ZNF451: variants seen among roughly 807,000 people sequenced by gnomAD.
ZNF451 encodes zinc finger protein 451, also known as E3 SUMO-protein ligase ZNF451.
A neutral mutation model predicts 107.1 loss-of-function variants in ZNF451; 80 were observed. That is an observed-to-expected ratio of 0.75 (90% confidence interval 0.62 to 0.90). The LOEUF is 0.90. ZNF451 is among the 40% of genes least tolerant of loss of function. The pLI is 0.00. For synonymous variants in ZNF451, 362 were observed against 406.5 expected, an observed-to-expected ratio of 0.89 and a Z score of 1.32; for missense variants, 1,107 against 1,236.2, an observed-to-expected ratio of 0.90 and a Z score of 1.57.
chr6:57,141,431 T>C lies in ZNF451; in HGVS notation c.832T>C (p.Phe278Leu), dbSNP rs941043876. The C allele has an allele frequency of 4.3e-6, 7 of 1,612,064 alleles. No individual in the cohort carries two copies. Among genetic ancestry groups the C allele is most frequent in the African/African-American group, 2.7e-5 (2 of 74,892 alleles). The change falls in exon 8 of 15, where the codon TTC (phenylalanine) becomes CTC (leucine). Residue 278 changes from phenylalanine to leucine, a missense_variant. Transcript: ENST00000370706. Reference protein sequence around the residue: ...CSKHMSGKNHFHQSFKLGDNK... With the variant: ...CSKHMSGKNHLHQSFKLGDNK... Reference sequence around the variant, plus strand: ...AAAGCATATGTCTGGAAAGAATCATTTCCATCAGAGTTTCAAACTGGGTGG... The same window carrying C: ...AAAGCATATGTCTGGAAAGAATCATCTCCATCAGAGTTTCAAACTGGGTGG...
intron 3 of ZNF451, among the ~76,000 whole-genome samples, chr6:57,122,939 C>T (rs1830714533): frequency 6.6e-6 from 1 of 152,086 alleles, no homozygotes; most frequent in South Asian, 2.1e-4. Context: ...TTTTGGGAGG[C>T]TGAGGCGGGA....
chr6:57,122,231 A>G (rs1167668137), intron 3 of ZNF451, among the ~76,000 whole-genome samples: 7 of 152,162 alleles, frequency 4.6e-5, no homozygotes, highest in East Asian at 3.8e-4. Context: ...AATTAACTCA[A>G]TGGATTAAAG....
chr6:57,126,181 T>C (rs1463051867), intron 4 of ZNF451, among the ~76,000 whole-genome samples: 1 of 152,226 alleles, frequency 6.6e-6, no homozygotes, highest in African/African-American at 2.4e-5. Flanking sequence ...ATTCATTTTA[T>C]TAAATACTTT....
At chr6:57,091,903 G>A (rs1213608119) in intron 2 of ZNF451, among the ~76,000 whole-genome samples, 1 of 152,176 alleles carries the variant, frequency 6.6e-6, no homozygotes, top group Non-Finnish European at 1.5e-5. Context: ...TATTTTAATA[G>A]ATTTGTTTAG....
In ZNF451 at chr6:57,125,316, A is replaced by G. The variant is rs58670577; in HGVS notation, c.312+457A>G. 7.5e-4 allele frequency among the ~76,000 whole-genome samples: 114 copies of G among 152,326 alleles called. 1 individual carries two copies. Among genetic ancestry groups the G allele is most frequent in the African/African-American group, 2.6e-3 (109 of 41,582 alleles). ...GAAGAAATTTGAAGCAGGTTTGTAG[A>G]TGAGCTGCTGTGTGGAAATGAAGCC... On this transcript the variant is annotated intron_variant, in intron 4 of 14. Transcript: ENST00000370706.
At chr6:57,122,222 A>C (rs1830674621) in intron 3 of ZNF451, among the ~76,000 whole-genome samples, 1 of 152,202 alleles carries the variant, frequency 6.6e-6, no homozygotes, top group African/African-American at 2.4e-5. Flanking sequence ...ATATATAAAA[A>C]TTAACTCAAT....
intron 14 of ZNF451, among the ~76,000 whole-genome samples, chr6:57,167,383 TATA>T (rs2127990229): frequency 6.6e-6 from 1 of 152,306 alleles, no homozygotes; most frequent in South Asian, 2.1e-4. Context: ...ACTGTAACTT[TATA>T]ATAAGTGTTC....
In ZNF451 at chr6:57,106,894, CTTT is replaced by C. The variant is rs1189185282; in HGVS notation, c.186+7756_186+7758del. On this transcript the variant is annotated intron_variant, in intron 3 of 14. Coordinates refer to ENST00000370706, the MANE Select transcript of ZNF451 (RefSeq NM_001031623.3). ...GGTGATTATTGTATTGAATGCAAATCTTTTTATTATTTTTCCAGATATATTGAG... is the reference window on the plus strand; with the variant it reads ...GGTGATTATTGTATTGAATGCAAATCTTATTATTTTTCCAGATATATTGAG... The C allele has an allele frequency of 1.3e-5, 12 of 954,654 alleles. No individual in the cohort carries two copies. In the African/African-American group the frequency reaches 1.4e-4, roughly 11 times the overall value. 59.1% of individuals were successfully genotyped at this position (954,654 alleles called of 1,614,324 possible).
chr6:57,138,375 G>T (rs1199107044), intron 7 of ZNF451, among the ~76,000 whole-genome samples: 1 of 151,354 alleles, frequency 6.6e-6, no homozygotes, highest in Non-Finnish European at 1.5e-5. Flanking sequence ...CGATTCTTCT[G>T]CCTCAGCCTC....
chr6:57,149,033 G>T (rs1832224483), intron 10 of ZNF451, among the ~76,000 whole-genome samples: 1 of 152,030 alleles, frequency 6.6e-6, no homozygotes, highest in South Asian at 2.1e-4. Context: ...GATTTTTCTT[G>T]TAATATTTGG....
intron 13 of ZNF451, among the ~76,000 whole-genome samples, chr6:57,157,230 A>G (rs1763469953): frequency 6.6e-6 from 1 of 152,198 alleles, no homozygotes; most frequent in Non-Finnish European, 1.5e-5. Flanking sequence ...GGTTTTTATT[A>G]GACTAAAGAT....
At chr6:57,142,940 G>A (rs1231534307) in intron 9 of ZNF451, among the ~76,000 whole-genome samples, 2 of 151,948 alleles carry the variant, frequency 1.3e-5, no homozygotes, top group Admixed American at 1.3e-4. Flanking sequence ...CAATGATGTT[G>A]GGCACTTTCT....
In ZNF451 at chr6:57,090,212, G is replaced by A. The variant is rs1227835028; in HGVS notation, c.-42G>A. Reference sequence around the variant, plus strand: ...GATTCGTGGCGACGGCGGCGGCAGGGACAGCAGGAGCAGTGGTGCTGTCAG... The same window carrying A: ...GATTCGTGGCGACGGCGGCGGCAGGAACAGCAGGAGCAGTGGTGCTGTCAG... On this transcript the variant is annotated 5_prime_UTR_variant, in exon 1 of 15. Coordinates refer to ENST00000370706, the MANE Select transcript of ZNF451 (RefSeq NM_001031623.3). 1 of 1,600,696 alleles carries A rather than the reference G, an allele frequency of 6.2e-7. No individual in the cohort carries two copies.
intron 7 of ZNF451, among the ~76,000 whole-genome samples, chr6:57,138,166 C>A (rs1831528479): frequency 6.6e-6 from 1 of 151,856 alleles, no homozygotes; most frequent in Non-Finnish European, 1.5e-5. Flanking sequence ...TGCCAAACTG[C>A]TGTCTAGTGC....
intron 13 of ZNF451, 108 bp downstream of exon 13, chr6:57,154,155 C>A: frequency 9.6e-7 from 1 of 1,037,002 alleles, no homozygotes; most frequent in Non-Finnish European, 1.5e-6. Flanking sequence ...GCTTGCTAAA[C>A]CATCATGTTC....
At chr6:57,123,820 G>C (rs888231977) in intron 3 of ZNF451, among the ~76,000 whole-genome samples, 1 of 152,086 alleles carries the variant, frequency 6.6e-6, no homozygotes, top group Non-Finnish European at 1.5e-5. Context: ...AATTCCACTT[G>C]TTCATTGCTG....
intron 3 of ZNF451, chr6:57,105,456 A>G (rs1829808648): frequency 1.0e-6 from 1 of 985,238 alleles, no homozygotes; most frequent in Non-Finnish European, 1.2e-6. Flanking sequence ...GGTGGTATTT[A>G]TGTGAATTTT....
At chr6:57,150,488 CAAG>C (rs1400739728) in intron 10 of ZNF451, 5 of 359,076 alleles carry the variant, frequency 1.4e-5, no homozygotes, top group African/African-American at 1.0e-4. Context: ...AAAATGTTTG[CAAG>C]AAGGATATAT....
chr6:57,149,093 A>G (rs1832227132), intron 10 of ZNF451, among the ~76,000 whole-genome samples: 1 of 152,106 alleles, frequency 6.6e-6, no homozygotes, highest in Admixed American at 6.5e-5. Flanking sequence ...CTATTTGGCC[A>G]TATTCTTTAG....
Sources: gnomAD v4.1 joint callset for allele counts (sites outside exome capture counted in the v4.1 genomes callset) on GRCh38, gnomAD v4.1.1 for gene constraint, MANE v1.5 for transcripts, NCBI Gene and HGNC (gene_info 2026-07-23, HGNC 2026-07-21) for gene names.